Variants in ZNF410 observed in about 807,000 individuals in gnomAD.
ZNF410 encodes the protein zinc finger protein 410, also known as another partner for ARF 1.
ZNF410 carries 18 observed loss-of-function variants against 54.8 expected under a neutral mutation model. The observed-to-expected ratio is 0.33, with a 90% CI of 0.23 to 0.49. ZNF410 has a LOEUF of 0.49. Ranked by LOEUF, ZNF410 falls within the 20% of genes least tolerant of loss-of-function variation. ZNF410 has a pLI of 0.99. For synonymous variants in ZNF410, 191 were observed against 207.3 expected, an observed-to-expected ratio of 0.92 and a Z score of 0.68; for missense variants, 405 against 569.6, an observed-to-expected ratio of 0.71 and a Z score of 2.94.
chr14:73,906,954 AT>A (rs1020156731), intron 7 of ZNF410, among the ~76,000 whole-genome samples: 6 of 151,798 alleles, frequency 4.0e-5, no homozygotes, highest in African/African-American at 1.5e-4. Context: ...CTATTTAATT[AT>A]TTCTCCCTAG....
chr14:73,919,584 C>T (rs2140321595), intron 8 of ZNF410, among the ~76,000 whole-genome samples: 1 of 152,288 alleles, frequency 6.6e-6, no homozygotes, highest in East Asian at 1.9e-4. Flanking sequence ...TAATGGCCTC[C>T]AGCTGCATCC....
chr14:73,927,755 T>C (rs2055854145), intron 11 of ZNF410: 1 of 152,070 alleles, frequency 6.6e-6, no homozygotes, highest in Admixed American at 6.6e-5. Flanking sequence ...AGGACCTTCA[T>C]AACTATATAT....
chr14:73,887,525 A>G (rs966830132), intron 1 of ZNF410: 5 of 152,178 alleles, frequency 3.3e-5, no homozygotes, highest in African/African-American at 4.8e-5. Flanking sequence ...AGATAATCCA[A>G]TTTATTAAAG....
At position 73,906,721 on chromosome 14, in the gene ZNF410, C is replaced by T. The variant is rs1028803592; in HGVS notation, c.913+1638C>T. ...CTCGAATTCCTGACCTCAAGTGATC[C>T]GCCGACCTTGCCCTCCCAAAGTGCT... On this transcript the variant is annotated intron_variant, in intron 7 of 11. Coordinates refer to ENST00000555044, the MANE Select transcript of ZNF410 (RefSeq NM_021188.3). 1.1e-4 allele frequency among the ~76,000 whole-genome samples: 17 copies of T among 151,798 alleles called. 1 individual carries two copies. The highest frequency in any genetic ancestry group is 2.2e-4 in the Non-Finnish European group (15 of 67,924).
At chr14:73,908,779 A>G (rs1204238461) in intron 7 of ZNF410, among the ~76,000 whole-genome samples, 1 of 152,110 alleles carries the variant, frequency 6.6e-6, no homozygotes, top group African/African-American at 2.4e-5. Flanking sequence ...TTATGAATTC[A>G]TTTGTCTGTC....
intron 11 of ZNF410, chr14:73,927,723 C>A (rs1204806748): frequency 6.6e-6 from 1 of 151,940 alleles, no homozygotes; most frequent in Non-Finnish European, 1.5e-5. Context: ...GTCTCTGCCT[C>A]AAATAGCTTA....
chr14:73,916,978 T>C (rs2055677567), intron 8 of ZNF410, among the ~76,000 whole-genome samples: 2 of 152,078 alleles, frequency 1.3e-5, no homozygotes, highest in Non-Finnish European at 2.9e-5. Flanking sequence ...AGACTGCGTC[T>C]CAAAAAAATA....
chr14:73,932,157 T>C lies in ZNF410; in HGVS notation c.*616T>C, dbSNP rs556447053. The C allele has an allele frequency of 7.3e-5, 27 of 369,898 alleles. No homozygotes were observed. Among genetic ancestry groups the C allele is most frequent in the African/African-American group, 4.0e-4 (19 of 47,144 alleles). The allele number at this position is 369,898 out of a possible 1,614,324, so 22.9% of individuals were successfully genotyped here. A position where few individuals can be genotyped will look rare whatever the true frequency, so the allele number is the denominator to read the frequency against. ...ACTTCTACTTGGTCACTTTGCTTTC[T>C]TCGTTAATGGAACATACAGTAGCAT... On this transcript the variant is annotated 3_prime_UTR_variant, in exon 12 of 12. Transcript: ENST00000555044.
At chr14:73,904,228 T>C (rs1052141114) in intron 6 of ZNF410, 118 bp downstream of exon 6, 21 of 1,040,646 alleles carry the variant, frequency 2.0e-5, no homozygotes, top group Admixed American at 2.7e-5. Flanking sequence ...AGTTAACTTC[T>C]GGTTAAGATA....
At chr14:73,897,262 A>G (rs1057327987) in intron 4 of ZNF410, among the ~76,000 whole-genome samples, 5 of 152,196 alleles carry the variant, frequency 3.3e-5, no homozygotes, top group African/African-American at 9.7e-5. Flanking sequence ...GTAAGACAAT[A>G]GATACACAAG....
chr14:73,906,877 AC>A (rs2055498443), intron 7 of ZNF410, among the ~76,000 whole-genome samples: 1 of 151,854 alleles, frequency 6.6e-6, no homozygotes, highest in Admixed American at 6.6e-5. Context: ...TGAATGTTTC[AC>A]CAGTTTCAGA....
chr14:73,898,383 A>G (rs2055355485), intron 5 of ZNF410, 121 bp downstream of exon 5: 1 of 1,085,174 alleles, frequency 9.2e-7, no homozygotes, highest in African/African-American at 1.6e-5. Flanking sequence ...AAGGCTAGAA[A>G]TCTGTAAATT....
intron 5 of ZNF410, 76 bp downstream of exon 5, chr14:73,898,338 G>C (rs1239206707): frequency 7.0e-7 from 1 of 1,432,348 alleles, no homozygotes; most frequent in South Asian, 1.2e-5. Flanking sequence ...GGTTTGAGTT[G>C]TATATAATTT....
intron 6 of ZNF410, among the ~76,000 whole-genome samples, chr14:73,904,536 T>G (rs2055453349): frequency 6.6e-6 from 1 of 152,160 alleles, no homozygotes; most frequent in African/African-American, 2.4e-5. Context: ...CCATCATAGC[T>G]CACTGCAGCC....
At chr14:73,921,733 T>C (rs1464984244) in intron 9 of ZNF410, among the ~76,000 whole-genome samples, 1 of 152,204 alleles carries the variant, frequency 6.6e-6, no homozygotes, top group African/African-American at 2.4e-5. Context: ...CTTTTTGCCC[T>C]GCCTGAAATT....
intron 7 of ZNF410, among the ~76,000 whole-genome samples, chr14:73,908,099 G>A (rs72723761): frequency 0.11 from 17,160 of 152,130 alleles, 1,264 homozygotes; most frequent in Admixed American, 0.19. Flanking sequence ...GGTAGTGCCA[G>A]GATCTGAAGT....
At chr14:73,920,820 C>T (rs1266104518) in intron 8 of ZNF410, 160 bp from the exon 9 acceptor site, 2 of 823,634 alleles carry the variant, frequency 2.4e-6, no homozygotes, top group Non-Finnish European at 1.9e-6. Context: ...TCCTGCCTTC[C>T]CCCATATACT....
chr14:73,926,803 A>G (rs1242076357), intron 11 of ZNF410, among the ~76,000 whole-genome samples: 1 of 152,136 alleles, frequency 6.6e-6, no homozygotes, highest in Non-Finnish European at 1.5e-5. Flanking sequence ...TCCTTTTGTT[A>G]ATATTAATTT....
rs373165668 is a variant in ZNF410 at position 73,921,381 on chromosome 14, TAA to T, written c.1129+279_1129+280del. 218 of 298,296 alleles carry T rather than the reference TAA, an allele frequency of 7.3e-4. 1 individual carries two copies. The highest frequency in any genetic ancestry group is 4.6e-3 in the African/African-American group (210 of 45,676). The allele number at this position is 298,296 out of a possible 1,614,324, so 18.5% of individuals were successfully genotyped here. On this transcript the variant is annotated intron_variant, in intron 9 of 11. Transcript: ENST00000555044. The stretch of plus-strand genomic sequence containing the variant: ...TGCAAGATCCTAGAATCTGTAGTTT[TAA>T]AAGTTTCCCTAGTGAGTTTGATGGT...
Sources: allele counts gnomAD v4.1 joint callset (sites outside exome capture counted in the v4.1 genomes callset), GRCh38; gene constraint gnomAD v4.1.1; transcripts MANE v1.5; gene names NCBI Gene and HGNC (gene_info 2026-07-23, HGNC 2026-07-21).